Variants in STYXL1 observed in about 807,000 individuals in gnomAD.
STYXL1 encodes serine/threonine/tyrosine interacting like 1.
STYXL1 carries 32 observed loss-of-function variants against 36.4 expected under a neutral mutation model. The ratio of observed to expected loss-of-function variants is 0.88; its 90% CI spans 0.66 to 1.18. The LOEUF (loss-of-function observed/expected upper bound fraction) is 1.18, where lower values mean the gene tolerates loss of function less well. Ranked by LOEUF, STYXL1 falls within the 50% of genes most tolerant of loss-of-function variation. The pLI is 0.00. For synonymous variants in STYXL1, 133 were observed against 144.1 expected (o/e 0.92, Z 0.55); for missense variants, 354 against 394.1 (o/e 0.90, Z 0.86).
rs782602977 is a variant in STYXL1 at position 76,013,893 on chromosome 7, A to T, written c.308-6T>A. The T allele has an allele frequency of 5.0e-6, 8 of 1,605,340 alleles. No homozygotes were observed. In the East Asian group the frequency reaches 1.6e-4, roughly 31 times the overall value. On this transcript the variant is annotated splice_polypyrimidine_tract_variant and splice_region_variant and intron_variant, in intron 4 of 8. Transcript: ENST00000359697. ...GGCTGCTTGAGGCACAAGATCTGAG[A>T]GTGGAGACCAAAGACATGAATGTCT...
intron 1 of STYXL1, among the ~76,000 whole-genome samples, chr7:76,040,823 TAAAAAAA>T (rs35135560): frequency 8.4e-6 from 1 of 119,698 alleles, no homozygotes; most frequent in Non-Finnish European, 1.9e-5. Flanking sequence ...GCAACACAGC[TAAAAAAA>T]AAAGAAAAAA....
intron 1 of STYXL1, among the ~76,000 whole-genome samples, chr7:76,038,184 A>G (rs1796104307): frequency 6.7e-6 from 1 of 149,472 alleles, no homozygotes; most frequent in Admixed American, 6.7e-5. Flanking sequence ...CCTCCTGAGT[A>G]GCTGAGGCTA....
intron 1 of STYXL1, among the ~76,000 whole-genome samples, chr7:76,034,102 G>A (rs1364673881): frequency 6.6e-6 from 1 of 152,150 alleles, no homozygotes; most frequent in Admixed American, 6.5e-5. Context: ...CTACTTCTTT[G>A]GAGCTGCTGC....
chr7:76,012,268 G>C (rs1554572429), intron 5 of STYXL1, among the ~76,000 whole-genome samples: 2 of 152,096 alleles, frequency 1.3e-5, no homozygotes, highest in African/African-American at 4.8e-5. Context: ...CGCCACACCT[G>C]GCTGATTTTC....
chr7:75,996,720 C>T, intron 8 of STYXL1, 121 bp from the exon 9 acceptor site: 1 of 930,688 alleles, frequency 1.1e-6, no homozygotes, highest in South Asian at 1.6e-5. Flanking sequence ...GGCTTAAGGG[C>T]TGGATGCAGA....
chr7:75,996,744 G>T, intron 8 of STYXL1, 145 bp from the exon 9 acceptor site: 1 of 747,784 alleles, frequency 1.3e-6, no homozygotes, highest in Non-Finnish European at 2.2e-6. Context: ...AGGGCAGCCT[G>T]GCATGAATGC....
chr7:76,016,379 G>A (rs370012855), intron 4 of STYXL1, among the ~76,000 whole-genome samples: 8 of 150,702 alleles, frequency 5.3e-5, no homozygotes, highest in African/African-American at 9.8e-5. Flanking sequence ...CATATATAGC[G>A]TATATACGTA....
rs1791617917 is a variant in STYXL1, at chr7:76,005,850, G to C, written c.454-446C>G. Among the ~76,000 whole-genome samples, 5 of 21,812 alleles carry C rather than the reference G, an allele frequency of 2.3e-4. 1 individual carries two copies. The Admixed American group carries it at 2.5e-3, about 11-fold the overall frequency. The allele number at this position is 21,812 out of a possible 152,430, so 14.3% of individuals were successfully genotyped here. A position where few individuals can be genotyped will look rare whatever the true frequency, so the allele number is the denominator to read the frequency against. On this transcript the variant is annotated intron_variant, in intron 5 of 8. Coordinates refer to ENST00000359697, the MANE Select transcript of STYXL1 (RefSeq NM_001317785.2). ...AGGAAGAGAGAGGAGGAGGAAGAGA[G>C]AGGAGGAGAGAGGAGGAAGAGAGAG...
intron 5 of STYXL1, among the ~76,000 whole-genome samples, chr7:76,012,840 C>T (rs1046694449): frequency 6.6e-6 from 1 of 152,186 alleles, no homozygotes; most frequent in African/African-American, 2.4e-5. Context: ...CCAATCCTTC[C>T]CACTTTTGTG....
intron 1 of STYXL1, among the ~76,000 whole-genome samples, chr7:76,033,661 A>AC (rs1428893387): frequency 1.2e-4 from 18 of 151,670 alleles, no homozygotes; most frequent in South Asian, 1.0e-3. Flanking sequence ...AGTTCTCAGC[A>AC]CCCCCTCCAC....
At chr7:76,035,588 T>C (rs1343984165) in intron 1 of STYXL1, among the ~76,000 whole-genome samples, 1 of 149,856 alleles carries the variant, frequency 6.7e-6, no homozygotes, top group African/African-American at 2.4e-5. Flanking sequence ...CTTAAGGATC[T>C]CCTCACTCCC....
At chr7:76,022,019 A>C (rs1317414227) in intron 3 of STYXL1, 27 bp from the exon 4 acceptor site, 10 of 1,592,094 alleles carry the variant, frequency 6.3e-6, no homozygotes, top group African/African-American at 1.4e-5. Flanking sequence ...CACACACACA[A>C]GAGAGGCCTG....
intron 3 of STYXL1, among the ~76,000 whole-genome samples, chr7:76,023,154 T>C (rs1424967798): frequency 6.6e-6 from 1 of 151,972 alleles, no homozygotes; most frequent in Non-Finnish European, 1.5e-5. Flanking sequence ...GCTCTCTTCC[T>C]CTCTGCTTCC....
intron 1 of STYXL1, among the ~76,000 whole-genome samples, chr7:76,042,202 GCCACTAGCTAATCCCACT>G (rs1796533077): frequency 6.6e-6 from 1 of 151,962 alleles, no homozygotes; most frequent in Admixed American, 6.6e-5. Flanking sequence ...GGCCCTCATA[GCCACTAGCTAATCCCACT>G]CTTGTTTTTC....
intron 4 of STYXL1, among the ~76,000 whole-genome samples, chr7:76,017,788 G>A (rs1554574481): frequency 7.2e-6 from 1 of 139,204 alleles, no homozygotes; most frequent in Non-Finnish European, 1.5e-5. Context: ...TTGGGAAGCT[G>A]AGGGGAAGCA....
At chr7:76,036,687 A>C (rs1554580764) in intron 1 of STYXL1, among the ~76,000 whole-genome samples, 1 of 144,390 alleles carries the variant, frequency 6.9e-6, no homozygotes, top group East Asian at 1.9e-4. Flanking sequence ...CAGGCTACCA[A>C]GTCTCATTTT....
At chr7:76,037,906 G>A (rs1554581086) in intron 1 of STYXL1, among the ~76,000 whole-genome samples, 3 of 150,144 alleles carry the variant, frequency 2.0e-5, no homozygotes, top group African/African-American at 7.3e-5. Context: ...GTGCCAGCAT[G>A]ACCAAGGCTT....
chr7:76,000,366 G>A (rs1281119317), intron 8 of STYXL1: 2 of 454,238 alleles, frequency 4.4e-6, no homozygotes, highest in African/African-American at 4.0e-5. Flanking sequence ...GGCAAATGTT[G>A]GGGCTTTGTA....
chr7:76,018,587 C>T (rs1291581374), intron 4 of STYXL1, among the ~76,000 whole-genome samples: 1 of 152,126 alleles, frequency 6.6e-6, no homozygotes, highest in Non-Finnish European at 1.5e-5. Context: ...GATGGGGTTT[C>T]ACCACATTGG....
Sources: gnomAD v4.1 joint callset for allele counts (sites outside exome capture counted in the v4.1 genomes callset) on GRCh38, gnomAD v4.1.1 for gene constraint, MANE v1.5 for transcripts, NCBI Gene and HGNC (gene_info 2026-07-23, HGNC 2026-07-21) for gene names.